Variants in NBEA observed in about 807,000 individuals in gnomAD.
The protein encoded by NBEA is lysosomal-trafficking regulator 2.
NBEA carries 44 observed loss-of-function variants against 343.4 expected under a neutral mutation model. The ratio of observed to expected loss-of-function variants is 0.13; its 90% CI spans 0.10 to 0.16. The LOEUF (loss-of-function observed/expected upper bound fraction) is 0.16, where lower values mean the gene tolerates loss of function less well. Ranked by LOEUF, NBEA falls within the 10% of genes least tolerant of loss-of-function variation. The pLI is 1.00. For missense variants in NBEA, 2,555 were observed against 3,631.3 expected (o/e 0.70, Z 7.62); for synonymous variants, 1,175 against 1,238.7 (o/e 0.95, Z 1.08).
At position 35,308,472 on chromosome 13, in the gene NBEA, A is replaced by G. The variant is rs796348407; in HGVS notation, c.5839-1056A>G. Among the ~76,000 whole-genome samples the G allele has an allele frequency of 3.0e-3, 295 of 98,428 alleles. 7 individuals are homozygous for G. The highest frequency in any genetic ancestry group is 0.012 in the Middle Eastern group (2 of 172). The allele number at this position is 98,428 out of a possible 152,430, so 64.6% of individuals were successfully genotyped here. ...TATATATATATATATATATATATAT[A>G]TGTATATATATATGTGTATATATAT... On this transcript the variant is annotated intron_variant, in intron 35 of 58. Transcript: ENST00000379939.
Position 34,942,801 on chromosome 13 carries a change from TCTC to T in NBEA, c.-16_-14del, listed in dbSNP as rs1246637096. On this transcript the variant is annotated 5_prime_UTR_variant, in exon 1 of 59. Coordinates refer to ENST00000379939, the MANE Select transcript of NBEA (RefSeq NM_001385012.1). ...GGCGGCAGCGCCGCTGCTCTTCCCT[TCTC>T]CTCAGGAGGGGGGCCAATGGCTAGC... 16 of 1,332,228 alleles carry T rather than the reference TCTC, an allele frequency of 1.2e-5. No homozygotes were observed. Among genetic ancestry groups the T allele is most frequent in the Admixed American group, 3.9e-5 (1 of 25,850 alleles). The allele number at this position is 1,332,228 out of a possible 1,614,324, so 82.5% of individuals were successfully genotyped here.
At chr13:34,958,945 C>A (rs145978660) in intron 1 of NBEA, among the ~76,000 whole-genome samples, 259 of 152,182 alleles carry the variant, frequency 1.7e-3, no homozygotes, top group African/African-American at 6.1e-3. Flanking sequence ...TTATGTCAAA[C>A]CTTTCTTTTT....
intron 30 of NBEA, 116 bp downstream of exon 30, chr13:35,184,187 AGATAT>A (rs1359371240): frequency 3.0e-6 from 2 of 666,344 alleles, no homozygotes; most frequent in African/African-American, 1.9e-5. Flanking sequence ...GGTTTCATGG[AGATAT>A]GATATGTTGT....
chr13:35,328,563 T>C (rs1282359512), intron 36 of NBEA, among the ~76,000 whole-genome samples: 13 of 151,960 alleles, frequency 8.6e-5, no homozygotes, highest in Admixed American at 8.5e-4. Context: ...TTTTGCATGA[T>C]GTGATTATCA....
At chr13:35,389,629 G>GT (rs1411270114) in intron 38 of NBEA, among the ~76,000 whole-genome samples, 3 of 152,098 alleles carry the variant, frequency 2.0e-5, no homozygotes, top group East Asian at 1.9e-4. Flanking sequence ...CAGAACAACT[G>GT]TGAGTTTGAT....
At chr13:35,623,493 G>A (rs955062470) in intron 48 of NBEA, among the ~76,000 whole-genome samples, 3 of 152,006 alleles carry the variant, frequency 2.0e-5, no homozygotes, top group East Asian at 1.9e-4. Flanking sequence ...ACAAGACTTT[G>A]TTTAACCTCT....
intron 38 of NBEA, among the ~76,000 whole-genome samples, chr13:35,383,877 G>A (rs1451442547): frequency 6.6e-6 from 1 of 151,988 alleles, no homozygotes; most frequent in Admixed American, 6.6e-5. Context: ...GTATGAGCAT[G>A]TTTAAACATA....
intron 10 of NBEA, among the ~76,000 whole-genome samples, chr13:35,096,468 A>G (rs1460691016): frequency 6.6e-6 from 1 of 151,912 alleles, no homozygotes; most frequent in Non-Finnish European, 1.5e-5. Context: ...TTATTCTGAC[A>G]TAAAAGAATG....
chr13:35,295,049 G>T (rs1453419554), intron 35 of NBEA, among the ~76,000 whole-genome samples: 2 of 142,882 alleles, frequency 1.4e-5, no homozygotes, highest in South Asian at 2.2e-4. Flanking sequence ...GACAGCTGAT[G>T]AACTAAAAAA....
chr13:35,368,550 A>G (rs2041254585), intron 38 of NBEA, among the ~76,000 whole-genome samples: 1 of 151,642 alleles, frequency 6.6e-6, no homozygotes, highest in African/African-American at 2.4e-5. Flanking sequence ...ATCTTCACAC[A>G]ATCAAAAATT....
At chr13:35,380,443 G>T (rs1046567638) in intron 38 of NBEA, among the ~76,000 whole-genome samples, 21 of 151,610 alleles carry the variant, frequency 1.4e-4, no homozygotes, top group Admixed American at 5.9e-4. Context: ...TGAGACTCTT[G>T]TCTCAAAAAA....
chr13:35,202,234 G>T (rs148892560), intron 31 of NBEA, among the ~76,000 whole-genome samples: 10 of 152,178 alleles, frequency 6.6e-5, no homozygotes, highest in African/African-American at 1.9e-4. Context: ...TTCCTGAAAG[G>T]TCCTGGGCAT....
intron 44 of NBEA, among the ~76,000 whole-genome samples, chr13:35,566,231 C>T (rs1255550182): frequency 1.3e-5 from 2 of 151,934 alleles, no homozygotes; most frequent in Admixed American, 6.6e-5. Context: ...TGCGGTGGCG[C>T]GTGCCTGTAA....
intron 41 of NBEA, among the ~76,000 whole-genome samples, chr13:35,519,514 C>T (rs1345780409): frequency 6.6e-6 from 1 of 152,128 alleles, no homozygotes; most frequent in African/African-American, 2.4e-5. Context: ...ATTTTCTAGG[C>T]ATTCATGAAA....
At chr13:35,115,881 CAATA>C (rs2066468570) in intron 13 of NBEA, among the ~76,000 whole-genome samples, 2 of 152,098 alleles carry the variant, frequency 1.3e-5, no homozygotes, top group Non-Finnish European at 2.9e-5. Context: ...CTTACCCTAA[CAATA>C]AAGAAGAAAA....
chr13:35,096,335 T>C (rs565206749), intron 10 of NBEA, among the ~76,000 whole-genome samples: 3 of 151,754 alleles, frequency 2.0e-5, no homozygotes, highest in Non-Finnish European at 4.4e-5. Flanking sequence ...ATTAACACTT[T>C]ATGGATAGCA....
At chr13:35,472,248 C>T (rs2075683824) in intron 40 of NBEA, among the ~76,000 whole-genome samples, 152 bp from the exon 41 acceptor site, 1 of 152,124 alleles carries the variant, frequency 6.6e-6, no homozygotes, top group South Asian at 2.1e-4. Context: ...GCTAAGTAGT[C>T]CTTATCTTAC....
intron 11 of NBEA, among the ~76,000 whole-genome samples, chr13:35,100,612 A>G (rs930311281): frequency 2.4e-4 from 36 of 151,992 alleles, no homozygotes; most frequent in Non-Finnish European, 4.4e-4. Flanking sequence ...GAAAATTCTA[A>G]AGTAAATATT....
intron 29 of NBEA, 93 bp downstream of exon 29, chr13:35,182,621 A>T: frequency 8.7e-7 from 1 of 1,145,860 alleles, no homozygotes; most frequent in East Asian, 2.7e-5. Flanking sequence ...CCTCTTCATA[A>T]TCACCTCAAA....
Sources: gnomAD v4.1 joint callset for allele counts (sites outside exome capture counted in the v4.1 genomes callset) on GRCh38, gnomAD v4.1.1 for gene constraint, MANE v1.5 for transcripts, NCBI Gene and HGNC (gene_info 2026-07-23, HGNC 2026-07-21) for gene names.